ANO3: variants seen among roughly 807,000 people sequenced by gnomAD.
The protein encoded by ANO3 is anoctamin-3.
ANO3 carries 99 observed loss-of-function variants against 144.8 expected under a neutral mutation model. That is an observed-to-expected ratio of 0.68 (90% CI 0.58 to 0.81). The LOEUF (loss-of-function observed/expected upper bound fraction) is 0.81. ANO3 is among the 30% of genes least tolerant of loss of function. The pLI, the probability that ANO3 is intolerant of heterozygous loss-of-function variation, is 0.00. For missense variants in ANO3, 905 were observed against 1,202.2 expected (o/e 0.75, Z 3.66); for synonymous variants, 414 against 392.6 (o/e 1.05, Z -0.64).
chr11:26,607,756 G>A (rs11029639), intron 17 of ANO3, among the ~76,000 whole-genome samples: 38,887 of 152,072 alleles, frequency 0.26, 5,085 homozygotes, highest in Middle Eastern at 0.31. Context: ...GCTTTATGAA[G>A]TTCTTGTGTT....
intron 24 of ANO3, among the ~76,000 whole-genome samples, chr11:26,654,349 T>G (rs116516680): frequency 0.015 from 2,269 of 152,224 alleles, 57 homozygotes; most frequent in African/African-American, 0.052. Context: ...TTTAGATTTA[T>G]GCCCAGATAT....
chr11:26,417,448 G>A (rs75675202), intron 1 of ANO3, among the ~76,000 whole-genome samples: 5,515 of 152,070 alleles, frequency 0.036, 335 homozygotes, highest in African/African-American at 0.13. Flanking sequence ...CCAAAATTGG[G>A]GCTTGGCCTG....
chr11:26,281,428 C>T (rs1474131034), intron 1 of ANO3, among the ~76,000 whole-genome samples: 1 of 152,124 alleles, frequency 6.6e-6, no homozygotes, highest in Non-Finnish European at 1.5e-5. Flanking sequence ...CCTAGAGGGA[C>T]CCTACTCCTA....
chr11:26,552,400 C>G (rs1849957330), intron 12 of ANO3, among the ~76,000 whole-genome samples: 1 of 151,972 alleles, frequency 6.6e-6, no homozygotes, highest in African/African-American at 2.4e-5. Context: ...GAGCTGAATC[C>G]AGACACATTT....
At chr11:26,436,316 CT>C (rs1858294104) in intron 1 of ANO3, among the ~76,000 whole-genome samples, 1 of 152,204 alleles carries the variant, frequency 6.6e-6, no homozygotes, top group African/African-American at 2.4e-5. Context: ...AGTTACAGAG[CT>C]GCTACTGGCT....
intron 6 of ANO3, among the ~76,000 whole-genome samples, chr11:26,524,156 T>C (rs1015705492): frequency 2.0e-5 from 3 of 152,148 alleles, no homozygotes; most frequent in Non-Finnish European, 1.5e-5. Context: ...TGCAAGACAA[T>C]ATATGTACCG....
chr11:26,363,203 A>C (rs1855973917), intron 1 of ANO3, among the ~76,000 whole-genome samples: 1 of 152,106 alleles, frequency 6.6e-6, no homozygotes, highest in Admixed American at 6.5e-5. Context: ...CCCATAAATC[A>C]CTCTGGTAAT....
At chr11:26,290,469 T>A (rs1165762871) in intron 1 of ANO3, among the ~76,000 whole-genome samples, 1 of 152,188 alleles carries the variant, frequency 6.6e-6, no homozygotes, top group Admixed American at 6.5e-5. Context: ...ATGTGTTTGC[T>A]CTTGCTTCTC....
intron 1 of ANO3, among the ~76,000 whole-genome samples, chr11:26,367,218 G>A (rs1469200486): frequency 6.6e-6 from 1 of 152,118 alleles, no homozygotes; most frequent in Admixed American, 6.5e-5. Flanking sequence ...TTCTTTCTTT[G>A]CCACATGGCA....
At chr11:26,333,986 T>C (rs1201163969) in intron 1 of ANO3, among the ~76,000 whole-genome samples, 2 of 152,220 alleles carry the variant, frequency 1.3e-5, no homozygotes, top group South Asian at 2.1e-4. Context: ...GACTCATTTC[T>C]GGGATCTGGA....
intron 1 of ANO3, among the ~76,000 whole-genome samples, chr11:26,436,474 C>A (rs1858299549): frequency 6.6e-6 from 1 of 152,130 alleles, no homozygotes; most frequent in South Asian, 2.1e-4. Context: ...TTTCCAGTAC[C>A]TGAAGGTATC....
At chr11:26,466,409 CAA>C (rs1270631209) in intron 4 of ANO3, among the ~76,000 whole-genome samples, 2 of 151,932 alleles carry the variant, frequency 1.3e-5, no homozygotes, top group Non-Finnish European at 2.9e-5. Context: ...CTTTTCCCAT[CAA>C]GAGATAGAGT....
intron 4 of ANO3, among the ~76,000 whole-genome samples, chr11:26,466,492 G>A (rs1859606990): frequency 6.6e-6 from 1 of 151,946 alleles, no homozygotes; most frequent in Admixed American, 6.6e-5. Context: ...CCAGCACTGA[G>A]CCTTGAACTC....
At chr11:26,404,214 G>A (rs1347131750) in intron 1 of ANO3, among the ~76,000 whole-genome samples, 1 of 148,286 alleles carries the variant, frequency 6.7e-6, no homozygotes, top group African/African-American at 2.4e-5. Flanking sequence ...ATGAAAGAAA[G>A]AATGAATTAG....
At chr11:26,498,541 A>T (rs1861060451) in intron 4 of ANO3, among the ~76,000 whole-genome samples, 1 of 149,882 alleles carries the variant, frequency 6.7e-6, no homozygotes, top group Admixed American at 6.7e-5. Context: ...ATAATTATTA[A>T]TAATTAAAAT....
At position 26,296,280 on chromosome 11, in the gene ANO3, T is replaced by A. The variant is rs181326572; in HGVS notation, c.155-13365T>A. ...TGCCTTAGGCAAGTTGGCAGTTTTT[T>A]ATCAATCTCCAAATTTAAACATCTC... On this transcript the variant is annotated intron_variant, in intron 1 of 27. Coordinates refer to the ANO3 transcript ENST00000672621. Among the ~76,000 whole-genome samples the A allele has an allele frequency of 3.1e-3, 469 of 152,342 alleles. 2 individuals are homozygous for A. The highest frequency in any genetic ancestry group is 5.0e-3 in the Non-Finnish European group (338 of 68,028).
At chr11:26,459,904 C>T (rs1269190073) in intron 3 of ANO3, among the ~76,000 whole-genome samples, 1 of 152,036 alleles carries the variant, frequency 6.6e-6, no homozygotes, top group Non-Finnish European at 1.5e-5. Flanking sequence ...TATTCATAGG[C>T]TTAAAGGAAC....
At chr11:26,640,379 C>G (rs553693248) in intron 21 of ANO3, among the ~76,000 whole-genome samples, 1 of 152,296 alleles carries the variant, frequency 6.6e-6, no homozygotes, top group East Asian at 1.9e-4. Context: ...AAGCAAATCT[C>G]TCCTAAACAA....
chr11:26,343,525 C>T (rs184293549), intron 1 of ANO3, among the ~76,000 whole-genome samples: 57 of 152,186 alleles, frequency 3.7e-4, no homozygotes, highest in Non-Finnish European at 1.5e-4. Context: ...GTAAGGATTC[C>T]CCTTTCTTCA....
Sources: allele counts gnomAD v4.1 joint callset (sites outside exome capture counted in the v4.1 genomes callset), GRCh38; gene constraint gnomAD v4.1.1; transcripts MANE v1.5; gene names NCBI Gene and HGNC (gene_info 2026-07-23, HGNC 2026-07-21).